GNL3L: variants seen among roughly 807,000 people sequenced by gnomAD.
GNL3L encodes the protein guanine nucleotide-binding protein-like 3-like protein.
In GNL3L, 4 loss-of-function variants were observed where a neutral mutation model predicts 42.9. The observed-to-expected ratio is 0.09, with a 90% confidence interval of 0.05 to 0.21. The LOEUF (loss-of-function observed/expected upper bound fraction) is 0.21. GNL3L is among the 10% of genes least tolerant of loss of function. GNL3L has a pLI of 1.00. For missense variants in GNL3L, 412 were observed against 481.7 expected (o/e 0.86, Z 1.36); for synonymous variants, 159 against 176.3 (o/e 0.90, Z 0.78).
At chrX:54,581,310 C>T (rs979413870) in intron 16 of GNL3L, among the ~76,000 whole-genome samples, 1 of 112,107 alleles carries the variant, frequency 8.9e-6, no homozygotes, top group Non-Finnish European at 1.9e-5. Flanking sequence ...TGGCTCACTG[C>T]AGCCTTGAAC....
At chrX:54,634,090 T>C in the GNL3L span, among the ~76,000 whole-genome samples, 2 of 112,474 alleles carry the variant, frequency 1.8e-5, no homozygotes, top group Non-Finnish European at 3.8e-5. Flanking sequence ...TGTGTCTCAG[T>C]GTGTGCCTCT....
At chrX:54,630,640 CTT>C in the GNL3L span, among the ~76,000 whole-genome samples, 1 of 103,088 alleles carries the variant, frequency 9.7e-6, no homozygotes, top group Non-Finnish European at 2.0e-5. Context: ...TTTCGATTTT[CTT>C]TTGTTTTCTT....
At chrX:54,550,412 G>T (rs924239752) in intron 9 of GNL3L, among the ~76,000 whole-genome samples, 1 of 111,126 alleles carries the variant, frequency 9.0e-6, no homozygotes, top group Admixed American at 9.6e-5. Context: ...TGAGACAATA[G>T]TACACACATG....
At chrX:54,634,100 T>G in the GNL3L span, among the ~76,000 whole-genome samples, 1 of 112,407 alleles carries the variant, frequency 8.9e-6, no homozygotes. Flanking sequence ...TGTGTGCCTC[T>G]TTGAGAGTAT....
intron 16 of GNL3L, among the ~76,000 whole-genome samples, chrX:54,610,575 T>C (rs1400293441): frequency 8.9e-6 from 1 of 111,968 alleles, no homozygotes; most frequent in African/African-American, 3.2e-5. Flanking sequence ...CTGGATTTTG[T>C]TGAATGCTTT....
Position 54,551,856 on chromosome X carries a change from G to T in GNL3L, c.1063G>T (p.Gly355Trp), listed in dbSNP as rs769332907. The change falls in exon 12 of 16, where the codon GGG becomes TGG. Residue 355 changes from glycine (G) to tryptophan (W), a missense_variant. Transcript: ENST00000360845. The stretch of plus-strand genomic sequence containing the variant: ...GATTTCCAACTATTATGGCGTCTCT[G>T]GGTTCCAGACCACTGAGCACTTTCT... Reference protein sequence around the residue: ...EEISNYYGVSGFQTTEHFLTA... With the variant: ...EEISNYYGVSWFQTTEHFLTA... 4 of 1,211,499 alleles carry T rather than the reference G, an allele frequency of 3.3e-6. No individual in the cohort carries two copies. In the East Asian group the frequency reaches 8.9e-5, roughly 27 times the overall value.
chrX:54,618,731 CAAAAAAATTT>C (rs1461161820), intron 16 of GNL3L, among the ~76,000 whole-genome samples: 2 of 110,244 alleles, frequency 1.8e-5, no homozygotes, highest in Non-Finnish European at 3.8e-5. Flanking sequence ...ACCATCTCTG[CAAAAAAATTT>C]AAAAAAATTG....
chrX:54,636,732 A>T, the GNL3L span, among the ~76,000 whole-genome samples: 1 of 112,077 alleles, frequency 8.9e-6, no homozygotes, highest in Non-Finnish European at 1.9e-5. Context: ...ACAGTATTCC[A>T]CAGTATATAT....
intron 16 of GNL3L, among the ~76,000 whole-genome samples, chrX:54,605,705 C>T (rs1397394918): frequency 9.0e-6 from 1 of 111,353 alleles, no homozygotes; most frequent in Non-Finnish European, 1.9e-5. Context: ...TGATCTTTCA[C>T]TTATTTATTA....
At position 54,606,995 on chromosome X, in the gene GNL3L, CCTTTCTTTCTTTCTTTCTTTCTTT is replaced by C. The variant is rs56807107; in HGVS notation, c.*46-13795_*46-13772del. On this transcript the variant is annotated intron_variant, in intron 16 of 16. Coordinates refer to the GNL3L transcript ENST00000674498. ...GATTTTTCTTTCTTTCCTTTCCTTT[CCTTTCTTTCTTTCTTTCTTTCTTT>C]CTTTCTTTCTTTCTTTCTTTCTTTC... Among the ~76,000 whole-genome samples the C allele has an allele frequency of 4.1e-3, 116 of 27,985 alleles. 1 individual carries two copies. Among genetic ancestry groups the C allele is most frequent in the Non-Finnish European group, 4.5e-3 (75 of 16,785 alleles). The allele number at this position is 27,985 out of a possible 115,157, so 24.3% of individuals were successfully genotyped here.
At chrX:54,539,144 G>C in intron 3 of GNL3L, 43 bp downstream of exon 3, 1 of 758,406 alleles carries the variant, frequency 1.3e-6, no homozygotes. Flanking sequence ...AGAACAGGTT[G>C]CTTGTCCTGG....
rs1924830713 is a variant in GNL3L at position 54,548,267 on chromosome X, A to G, written c.669A>G (p.Ser223=). Residue 223 remains serine, a synonymous_variant, in exon 9 of 16, where the codon TCA becomes TCG. Transcript: ENST00000360845. ...TGCCAGTAGATCAGGCCTCTGAGTC[A>G]CTGCTGAAAAGCAAAGCCTGCTTTG... The part of the protein sequence containing the change: ...CSVPVDQASE[S]LLKSKACFGA... 1 of 1,201,162 alleles carries G rather than the reference A, an allele frequency of 8.3e-7. No homozygotes were observed. Among genetic ancestry groups the G allele is most frequent in the South Asian group, 1.8e-5 (1 of 56,510 alleles).
the GNL3L span, among the ~76,000 whole-genome samples, chrX:54,642,523 C>T: frequency 3.6e-5 from 4 of 110,689 alleles, no homozygotes; most frequent in Non-Finnish European, 5.7e-5. Context: ...ACTGAGTGTT[C>T]CTTCTCTTTA....
chrX:54,572,813 C>T (rs1228274184), intron 16 of GNL3L, among the ~76,000 whole-genome samples: 1 of 108,917 alleles, frequency 9.2e-6, no homozygotes, highest in Non-Finnish European at 1.9e-5. Flanking sequence ...GGCGGAGGGT[C>T]TCCTCACTTC....
chrX:54,580,530 G>A (rs1194968481), intron 16 of GNL3L, among the ~76,000 whole-genome samples: 1 of 110,592 alleles, frequency 9.0e-6, no homozygotes, highest in East Asian at 2.9e-4. Context: ...TGGGATGGCT[G>A]GGTCAAATGG....
At chrX:54,548,480 G>A (rs1399511251) in intron 9 of GNL3L, 107 bp downstream of exon 9, 1 of 627,951 alleles carries the variant, frequency 1.6e-6, no homozygotes, top group East Asian at 3.5e-5. Context: ...GGAGAGAGGA[G>A]TGGTTCAGGA....
At chrX:54,540,039 G>A (rs2147475380) in intron 3 of GNL3L, 96 bp from the exon 4 acceptor site, 1 of 525,922 alleles carries the variant, frequency 1.9e-6, no homozygotes, top group South Asian at 2.7e-5. Flanking sequence ...CATTTATGAG[G>A]GGATGTTGTC....
chrX:54,534,807 C>T (rs1924372136), intron 2 of GNL3L, among the ~76,000 whole-genome samples: 1 of 110,626 alleles, frequency 9.0e-6, no homozygotes, highest in African/African-American at 3.3e-5. Flanking sequence ...CTCCCCCCTT[C>T]TCTTCTCCCC....
intron 2 of GNL3L, among the ~76,000 whole-genome samples, chrX:54,536,534 C>G (rs781764594): frequency 9.1e-6 from 1 of 109,452 alleles, no homozygotes; most frequent in Non-Finnish European, 1.9e-5. Flanking sequence ...CCTGTAATCC[C>G]AGCACTTTGG....
Sources: gnomAD v4.1 joint callset for allele counts (sites outside exome capture counted in the v4.1 genomes callset) on GRCh38, gnomAD v4.1.1 for gene constraint, MANE v1.5 for transcripts, NCBI Gene and HGNC (gene_info 2026-07-23, HGNC 2026-07-21) for gene names.